WDR26: variants seen among roughly 807,000 people sequenced by gnomAD.
WDR26 encodes the protein WD repeat domain 26, also known as WD repeat-containing protein 26.
WDR26 carries 5 observed loss-of-function variants against 84.1 expected under a neutral mutation model. That is an observed-to-expected ratio of 0.06 (90% CI 0.03 to 0.13). WDR26 has a LOEUF of 0.13. Among genes scored for constraint, WDR26 ranks in the 10% least tolerant of loss-of-function variants. The pLI is 1.00. For synonymous variants in WDR26, 415 were observed against 389.6 expected, an observed-to-expected ratio of 1.07 and a Z score of -0.77; for missense variants, 642 against 974.9, an observed-to-expected ratio of 0.66 and a Z score of 4.55.
chr1:224,400,758 C>A (rs774072503), intron 9 of WDR26, among the ~76,000 whole-genome samples, 192 bp downstream of exon 9: 2 of 152,094 alleles, frequency 1.3e-5, no homozygotes, highest in Non-Finnish European at 2.9e-5. Flanking sequence ...GTTGGCCAGA[C>A]TGGTCTTGAA....
At chr1:224,390,133 T>G (rs1673084773) in intron 13 of WDR26, among the ~76,000 whole-genome samples, 1 of 152,216 alleles carries the variant, frequency 6.6e-6, no homozygotes, top group South Asian at 2.1e-4. Flanking sequence ...AATCTCATGC[T>G]TTTATTTTTT....
intron 4 of WDR26, among the ~76,000 whole-genome samples, chr1:224,424,206 T>C (rs1278374686): frequency 6.6e-6 from 1 of 152,250 alleles, no homozygotes; most frequent in African/African-American, 2.4e-5. Context: ...ATCCATATCA[T>C]ATGATTTTTA....
chr1:224,405,449 T>C (rs1673525102), intron 7 of WDR26, among the ~76,000 whole-genome samples: 1 of 152,174 alleles, frequency 6.6e-6, no homozygotes, highest in African/African-American at 2.4e-5. Flanking sequence ...GGAGTGGAAT[T>C]TCTGGGTCGT....
intron 6 of WDR26, 133 bp downstream of exon 6, chr1:224,418,127 C>T (rs1313177692): frequency 2.7e-5 from 18 of 672,734 alleles, no homozygotes; most frequent in Admixed American, 1.0e-4. Flanking sequence ...TTTCATAGTT[C>T]CAGCTTTACT....
chr1:224,407,151 A>AAAAAATATATATATATATAT, intron 7 of WDR26, among the ~76,000 whole-genome samples: 16 of 11,870 alleles, frequency 1.3e-3, no homozygotes, highest in East Asian at 2.1e-3. Context: ...AAAAAAAAAA[A>AAAAAATATATATATATATAT]ATATATATAT....
intron 8 of WDR26, among the ~76,000 whole-genome samples, chr1:224,402,459 G>T (rs746240418): frequency 2.6e-5 from 4 of 152,134 alleles, no homozygotes; most frequent in Non-Finnish European, 5.9e-5. Flanking sequence ...AGTACATGAG[G>T]TTATTAGATT....
At chr1:224,392,521 TAA>T (rs907797647) in intron 13 of WDR26, among the ~76,000 whole-genome samples, 3 of 152,206 alleles carry the variant, frequency 2.0e-5, no homozygotes, top group African/African-American at 7.2e-5. Flanking sequence ...TGCAGATCTA[TAA>T]AGACTTTGGG....
intron 7 of WDR26, among the ~76,000 whole-genome samples, chr1:224,410,842 G>C (rs1046773354): frequency 2.0e-5 from 3 of 151,816 alleles, no homozygotes; most frequent in African/African-American, 7.3e-5. Flanking sequence ...GGGACGACTG[G>C]TGTGTACCAT....
chr1:224,399,797 CT>C (rs926975033), intron 9 of WDR26, among the ~76,000 whole-genome samples: 4 of 152,174 alleles, frequency 2.6e-5, no homozygotes, highest in African/African-American at 9.7e-5. Context: ...GATTTATTAT[CT>C]TGTTTTAGTT....
At chr1:224,398,762 T>TGACCTTCAATCCAAATTACCACGC (rs1258136580) in intron 10 of WDR26, 127 bp downstream of exon 10, 2 of 1,289,010 alleles carry the variant, frequency 1.6e-6, no homozygotes, top group African/African-American at 3.0e-5. Context: ...AAGTACCATG[T>TGACCTTCAATCCAAATTACCACGC]GACCTTCAAT....
Position 224,387,778 on chromosome 1 carries a change from A to T in WDR26, c.*2057T>A, listed in dbSNP as rs1319149852. The T allele has an allele frequency of 6.6e-6, 1 of 152,644 alleles. No homozygotes were observed. The highest frequency in any genetic ancestry group is 2.4e-5 in the African/African-American group (1 of 41,440). The allele number at this position is 152,644 out of a possible 1,614,324, so 9.5% of individuals were successfully genotyped here. A position where few individuals can be genotyped will look rare whatever the true frequency, so the allele number is the denominator to read the frequency against. On this transcript the variant is annotated 3_prime_UTR_variant, in exon 14 of 14. Transcript: ENST00000414423. ...TATTAACGGCTTCAGGGTATACATG[A>T]ATCACTTAAAATATGAATGGTTTTT...
At chr1:224,427,370 AT>A (rs1674260947) in intron 3 of WDR26, among the ~76,000 whole-genome samples, 1 of 151,894 alleles carries the variant, frequency 6.6e-6, no homozygotes, top group Admixed American at 6.6e-5. Flanking sequence ...CCCCTCCCCC[AT>A]TCCAATGTGT....
At chr1:224,400,851 A>T in intron 9 of WDR26, 99 bp downstream of exon 9, 1 of 1,504,234 alleles carries the variant, frequency 6.6e-7, no homozygotes, top group Non-Finnish European at 8.9e-7. Flanking sequence ...TGGCCCACAG[A>T]GTATACTTTG....
At chr1:224,407,145 A>AG (rs1553355680) in intron 7 of WDR26, among the ~76,000 whole-genome samples, 1 of 23,636 alleles carries the variant, frequency 4.2e-5, no homozygotes, top group Non-Finnish European at 7.7e-5. Context: ...AAAAAAAAAA[A>AG]AAAAAAATAT....
At chr1:224,431,454 A>G (rs755037455) in intron 3 of WDR26, 23 bp downstream of exon 3, 1 of 1,604,984 alleles carries the variant, frequency 6.2e-7, no homozygotes. Context: ...TAAATGTGAA[A>G]CTAAGAACAA....
chr1:224,433,045 G>T (rs1050697203), intron 1 of WDR26, among the ~76,000 whole-genome samples: 7 of 152,142 alleles, frequency 4.6e-5, no homozygotes, highest in African/African-American at 1.7e-4. Flanking sequence ...TTAGGGTTAG[G>T]CCTCTTGTAC....
At chr1:224,432,530 C>T (rs1674421848) in intron 1 of WDR26, among the ~76,000 whole-genome samples, 1 of 152,174 alleles carries the variant, frequency 6.6e-6, no homozygotes, top group Non-Finnish European at 1.5e-5. Context: ...TATCTAAGAA[C>T]CTTCATTTAT....
At chr1:224,431,979 C>T (rs1674405220) in intron 1 of WDR26, among the ~76,000 whole-genome samples, 198 bp from the exon 2 acceptor site, 1 of 152,178 alleles carries the variant, frequency 6.6e-6, no homozygotes, top group African/African-American at 2.4e-5. Context: ...AAGTTAAAAA[C>T]CTTTCTTGAA....
intron 12 of WDR26, among the ~76,000 whole-genome samples, chr1:224,395,642 AT>A (rs1673239681): frequency 6.6e-6 from 1 of 151,498 alleles, no homozygotes; most frequent in Non-Finnish European, 1.5e-5. Flanking sequence ...GGTTAGCTGT[AT>A]TTCCTTCCTA....
Sources: gnomAD v4.1 joint callset for allele counts (sites outside exome capture counted in the v4.1 genomes callset) on GRCh38, gnomAD v4.1.1 for gene constraint, MANE v1.5 for transcripts, NCBI Gene and HGNC (gene_info 2026-07-23, HGNC 2026-07-21) for gene names.